The following NKAIN3 variants were observed in gnomAD, a reference collection of about 807,000 sequenced individuals.
The protein encoded by NKAIN3 is sodium/potassium-transporting ATPase subunit beta-1-interacting protein 3.
NKAIN3 carries 25 observed loss-of-function variants against 30.2 expected under a neutral mutation model. The observed-to-expected ratio is 0.83, with a 90% CI of 0.60 to 1.16. The LOEUF (loss-of-function observed/expected upper bound fraction) is 1.16, where lower values mean the gene tolerates loss of function less well. Ranked by LOEUF, NKAIN3 falls within the 50% of genes most tolerant of loss-of-function variation. The probability of loss-of-function intolerance (pLI) is 0.00; values close to 1 mark genes in which losing one functional copy is unlikely to be tolerated. For synonymous variants in NKAIN3, 91 were observed against 89.6 expected, an observed-to-expected ratio of 1.02 and a Z score of -0.09; for missense variants, 225 against 254.1, an observed-to-expected ratio of 0.89 and a Z score of 0.78.
At chr8:62,385,654 C>T (rs1817405739) in intron 1 of NKAIN3, among the ~76,000 whole-genome samples, 1 of 152,150 alleles carries the variant, frequency 6.6e-6, no homozygotes, top group Non-Finnish European at 1.5e-5. Context: ...CTATGATGGG[C>T]ACCCTGAAAT....
intron 4 of NKAIN3, among the ~76,000 whole-genome samples, chr8:62,763,729 T>C (rs1816746702): frequency 6.6e-6 from 1 of 152,234 alleles, no homozygotes; most frequent in Admixed American, 6.5e-5. Flanking sequence ...TCACAGCTAC[T>C]GTTAAGAGTT....
intron 1 of NKAIN3, among the ~76,000 whole-genome samples, chr8:62,471,353 T>C (rs1806335981): frequency 6.6e-6 from 1 of 152,308 alleles, no homozygotes; most frequent in Admixed American, 6.5e-5. Flanking sequence ...AACATCTGTT[T>C]GATCCTGGTG....
chr8:62,522,569 G>T (rs1808192385), intron 1 of NKAIN3, among the ~76,000 whole-genome samples: 1 of 152,042 alleles, frequency 6.6e-6, no homozygotes, highest in South Asian at 2.1e-4. Flanking sequence ...GCGTGTCATT[G>T]ACCCTGAAGA....
At chr8:62,750,560 A>G (rs1301651219) in intron 4 of NKAIN3, among the ~76,000 whole-genome samples, 1 of 152,040 alleles carries the variant, frequency 6.6e-6, no homozygotes, top group Non-Finnish European at 1.5e-5. Context: ...AGAGGCCCCC[A>G]GCTTCTGCCG....
At chr8:62,797,673 G>A (rs1353992377) in intron 4 of NKAIN3, among the ~76,000 whole-genome samples, 1 of 152,102 alleles carries the variant, frequency 6.6e-6, no homozygotes, top group Non-Finnish European at 1.5e-5. Flanking sequence ...TCTAAACAAG[G>A]TAAAAACAAC....
chr8:62,393,480 A>C (rs904590702), intron 1 of NKAIN3, among the ~76,000 whole-genome samples: 1 of 151,978 alleles, frequency 6.6e-6, no homozygotes, highest in African/African-American at 2.4e-5. Flanking sequence ...CCTTATGCCA[A>C]TCTCATACTC....
Position 62,606,715 on chromosome 8 carries a change from A to G in NKAIN3, c.273+16921A>G, listed in dbSNP as rs375407877. Reference sequence around the variant, plus strand: ...AGTTTGTAGATATAATTCATCATTTATTTTTGTCCTGTAATTATAGAATTA... The same window carrying G: ...AGTTTGTAGATATAATTCATCATTTGTTTTTGTCCTGTAATTATAGAATTA... On this transcript the variant is annotated intron_variant, in intron 3 of 6. Transcript: ENST00000623646. Among the ~76,000 whole-genome samples the G allele has an allele frequency of 2.0e-4, 30 of 152,260 alleles. No homozygotes were observed. In the South Asian group the frequency reaches 6.2e-3, roughly 32 times the overall value.
intron 1 of NKAIN3, among the ~76,000 whole-genome samples, chr8:62,478,083 C>G (rs1806578196): frequency 6.6e-6 from 1 of 152,152 alleles, no homozygotes; most frequent in South Asian, 2.1e-4. Context: ...AAATCCTCAT[C>G]TCCAAAAACC....
At chr8:62,302,080 A>G (rs949454947) in intron 1 of NKAIN3, among the ~76,000 whole-genome samples, 6 of 152,108 alleles carry the variant, frequency 3.9e-5, no homozygotes, top group Non-Finnish European at 7.4e-5. Flanking sequence ...TCCAAGATGA[A>G]TAAAAACATG....
At chr8:62,407,204 A>G (rs1342893619) in intron 1 of NKAIN3, among the ~76,000 whole-genome samples, 1 of 151,880 alleles carries the variant, frequency 6.6e-6, no homozygotes, top group Non-Finnish European at 1.5e-5. Context: ...ACATATTAAT[A>G]TTTTAATAGA....
chr8:62,923,849 T>C (rs1487793239), intron 5 of NKAIN3, among the ~76,000 whole-genome samples: 1 of 152,110 alleles, frequency 6.6e-6, no homozygotes, highest in Non-Finnish European at 1.5e-5. Context: ...TCTGGTTGAG[T>C]GACAAGATTC....
chr8:62,839,783 T>C (rs1425907649), intron 4 of NKAIN3, among the ~76,000 whole-genome samples: 2 of 151,906 alleles, frequency 1.3e-5, no homozygotes, highest in South Asian at 2.1e-4. Flanking sequence ...TCCTGGAAAA[T>C]TTTTTACAAA....
At chr8:62,351,461 C>A (rs746062609) in intron 1 of NKAIN3, among the ~76,000 whole-genome samples, 4 of 149,372 alleles carry the variant, frequency 2.7e-5, no homozygotes, top group African/African-American at 7.3e-5. Context: ...AGATGTGGAA[C>A]CTGTAGATAC....
chr8:62,325,842 A>G (rs1335702549), intron 1 of NKAIN3, among the ~76,000 whole-genome samples: 1 of 151,822 alleles, frequency 6.6e-6, no homozygotes, highest in Non-Finnish European at 1.5e-5. Context: ...TTGTCTATTC[A>G]TGTCCTTTGT....
At chr8:62,444,906 C>A (rs1039189331) in intron 1 of NKAIN3, among the ~76,000 whole-genome samples, 1 of 152,114 alleles carries the variant, frequency 6.6e-6, no homozygotes, top group East Asian at 1.9e-4. Context: ...CCATTTTAAC[C>A]GTGGTGAGAT....
At chr8:62,429,753 T>A (rs891911359) in intron 1 of NKAIN3, among the ~76,000 whole-genome samples, 3 of 151,918 alleles carry the variant, frequency 2.0e-5, no homozygotes, top group Non-Finnish European at 4.4e-5. Flanking sequence ...TTACTACATC[T>A]AGGATACTCC....
chr8:62,859,949 G>A (rs1163338792), intron 4 of NKAIN3, among the ~76,000 whole-genome samples: 1 of 152,150 alleles, frequency 6.6e-6, no homozygotes, highest in Non-Finnish European at 1.5e-5. Context: ...AATCACTGTT[G>A]CACTTGACAT....
At chr8:62,400,700 A>ATTT (rs1803830768) in intron 1 of NKAIN3, among the ~76,000 whole-genome samples, 1 of 98,022 alleles carries the variant, frequency 1.0e-5, no homozygotes, top group African/African-American at 3.5e-5. Flanking sequence ...AAAAGTTAAC[A>ATTT]GTTTTTTTTT....
intron 5 of NKAIN3, among the ~76,000 whole-genome samples, chr8:62,948,778 A>C (rs757222929): frequency 2.6e-5 from 4 of 151,994 alleles, no homozygotes; most frequent in Non-Finnish European, 4.4e-5. Context: ...TAGATGATAA[A>C]AGAAGATCTT....
Sources: allele counts gnomAD v4.1 joint callset (sites outside exome capture counted in the v4.1 genomes callset), GRCh38; gene constraint gnomAD v4.1.1; transcripts MANE v1.5; gene names NCBI Gene and HGNC (gene_info 2026-07-23, HGNC 2026-07-21).